The following PSG6 variants were observed in gnomAD, a reference collection of about 807,000 sequenced individuals.
The protein encoded by PSG6 is pregnancy-specific beta-1-glycoprotein 6.
A neutral mutation model predicts 43.3 loss-of-function variants in PSG6; 51 were observed. That is an observed-to-expected ratio of 1.18 (90% CI 0.94 to 1.49). The LOEUF is 1.49. Among genes scored for constraint, PSG6 ranks in the 40% most tolerant of loss-of-function variants. The probability of loss-of-function intolerance (pLI) is 0.00; values close to 1 mark genes in which losing one functional copy is unlikely to be tolerated. For synonymous variants in PSG6, 292 were observed against 197.6 expected (o/e 1.48, Z -4.01); for missense variants, 770 against 522.2 (o/e 1.47, Z -4.62).
intron 2 of PSG6, among the ~76,000 whole-genome samples, chr19:42,913,242 C>T (rs1308096975): frequency 1.3e-5 from 2 of 151,572 alleles, no homozygotes; most frequent in East Asian, 3.9e-4. Context: ...GCTCCACCTC[C>T]TGGGTTCATG....
rs1437667939 is a variant in PSG6, at chr19:42,907,933, C to T, written c.707-79G>A. On this transcript the variant is annotated intron_variant, in intron 3 of 5. Transcript: ENST00000187910. Reference sequence around the variant, plus strand: ...CATCCTTCATTCAGAGTTGGCATCTCCCACCTGTCAACCCACATGAGTCCT... The same window carrying T: ...CATCCTTCATTCAGAGTTGGCATCTTCCACCTGTCAACCCACATGAGTCCT... 3.8e-6 allele frequency: 6 copies of T among 1,562,280 alleles called. No individual in the cohort carries two copies. The African/African-American group carries it at 6.8e-5, about 18-fold the overall frequency.
chr19:42,917,464 T>G (rs1274760391), intron 1 of PSG6, among the ~76,000 whole-genome samples: 4 of 149,702 alleles, frequency 2.7e-5, no homozygotes, highest in Non-Finnish European at 3.0e-5. Flanking sequence ...CCTGGGTTCA[T>G]GTGATTATCC....
rs151089179 is a variant in PSG6, at chr19:42,903,456, A to C, written c.1241-1010T>G. Among the ~76,000 whole-genome samples, 1,446 of 151,776 alleles carry C rather than the reference A, an allele frequency of 9.5e-3. 38 individuals carry two copies. Among genetic ancestry groups the C allele is most frequent in the Non-Finnish European group, 0.016 (1,056 of 67,912 alleles). ...AATAATAAGTATTAGGGTGGATATA[A>C]ATAAAATGGAGAATGGAAACAGAAT... is the stretch of plus-strand genomic sequence containing the variant. On this transcript the variant is annotated intron_variant, in intron 5 of 5. Transcript: ENST00000187910.
rs572414424 is a variant in PSG6 at position 42,910,415 on chromosome 19, G to A, written c.706+165C>T. 7.7e-5 allele frequency: 120 copies of A among 1,553,178 alleles called. 9 individuals carry two copies. In the South Asian group the frequency reaches 1.3e-3, roughly 17 times the overall value. On this transcript the variant is annotated intron_variant, in intron 3 of 5. Coordinates refer to ENST00000187910, the MANE Select transcript of PSG6 (RefSeq NM_001031850.4). ...CCTCTTCTCTCTTATTGTTGATCAA[G>A]CCTAGGCCTACTCTGGTTTGCCTGG...
chr19:42,906,356 C>T lies in PSG6; in HGVS notation c.1240+566G>A, dbSNP rs532319631. Among the ~76,000 whole-genome samples, 5 of 151,660 alleles carry T rather than the reference C, an allele frequency of 3.3e-5. No homozygotes were observed. In the South Asian group the frequency reaches 6.3e-4, roughly 19 times the overall value. On this transcript the variant is annotated intron_variant, in intron 5 of 5. Transcript: ENST00000187910. ...TCGATTTAGCCAACTTCAGGACAGG[C>T]CACCAGGGCCCTTTCTCCACACATG...
chr19:42,905,983 G>A (rs564741911), intron 5 of PSG6, among the ~76,000 whole-genome samples: 5 of 151,644 alleles, frequency 3.3e-5, no homozygotes, highest in African/African-American at 1.2e-4. Flanking sequence ...AAAAAGTTCT[G>A]GAAATGGATA....
intron 2 of PSG6, among the ~76,000 whole-genome samples, chr19:42,914,047 T>A (rs1259909264): frequency 6.6e-6 from 1 of 151,588 alleles, no homozygotes; most frequent in Admixed American, 6.6e-5. Context: ...TTATTTTATA[T>A]TTTTTTGTGT....
chr19:42,904,806 C>A (rs1972087173), intron 5 of PSG6, among the ~76,000 whole-genome samples: 1 of 151,368 alleles, frequency 6.6e-6, no homozygotes, highest in South Asian at 2.1e-4. Context: ...ATTTATATTG[C>A]ATCTCATGAC....
At position 42,902,150 on chromosome 19, in the gene PSG6, T is replaced by C. The variant is rs1173377131; in HGVS notation, c.*262A>G. The C allele has an allele frequency of 1.5e-5, 6 of 411,448 alleles. No homozygotes were observed. In the Admixed American group the frequency reaches 2.2e-4, roughly 15 times the overall value. 25.5% of individuals were successfully genotyped at this position (411,448 alleles called of 1,614,324 possible). ...ATACTCATGAATAGTTTCCCAATTC[T>C]GGGGCACTCAGATAGAGAGCAAAAG... is the stretch of plus-strand genomic sequence containing the variant. On this transcript the variant is annotated 3_prime_UTR_variant, in exon 6 of 6. Transcript: ENST00000187910.
intron 2 of PSG6, among the ~76,000 whole-genome samples, chr19:42,913,408 G>A (rs1200118730): frequency 6.6e-6 from 1 of 151,822 alleles, no homozygotes; most frequent in Non-Finnish European, 1.5e-5. Context: ...GCCTCCCAAA[G>A]TGCTGGGATT....
At chr19:42,916,608 A>G (rs1972340286) in intron 1 of PSG6, 121 bp from the exon 2 acceptor site, 1 of 1,368,256 alleles carries the variant, frequency 7.3e-7, no homozygotes, top group Non-Finnish European at 1.0e-6. Context: ...ACACACACAC[A>G]TACAAACACA....
chr19:42,910,672 C>G lies in PSG6; in HGVS notation c.614G>C (p.Gly205Ala), dbSNP rs1458224682. 1.1e-5 allele frequency: 18 copies of G among 1,612,190 alleles called. No individual in the cohort carries two copies. In the Admixed American group the frequency reaches 2.5e-4, roughly 22 times the overall value. ...GGGTCCTGCAATATACTTTGTGACA[C>G]CAAATAGATAGAGGGTCCTGTTGGT... ...SKTNRTLYLF[G>A]VTKYIAGPYE... Residue 205 changes from glycine (G) to alanine (A), a missense_variant, in exon 3 of 6, where the codon GGT becomes GCT. Physicochemically the swap from Gly to Ala is moderately conservative, Grantham distance 60. Coordinates refer to ENST00000187910, the MANE Select transcript of PSG6 (RefSeq NM_001031850.4).
At chr19:42,909,280 G>A (rs115649562) in intron 3 of PSG6, among the ~76,000 whole-genome samples, 20,709 of 151,156 alleles carry the variant, frequency 0.14, 1,841 homozygotes, top group Admixed American at 0.18. Context: ...TGCTGCACTC[G>A]TATATTTTTG....
At chr19:42,916,568 T>C in intron 1 of PSG6, 81 bp from the exon 2 acceptor site, 1 of 1,509,792 alleles carries the variant, frequency 6.6e-7, no homozygotes, top group Non-Finnish European at 8.9e-7. Flanking sequence ...CCTGAGAAGG[T>C]CTCTTCAATC....
At position 42,914,931 on chromosome 19, in the gene PSG6, AT is replaced by A. The variant is rs1600549520; in HGVS notation, c.427+1193del. Among the ~76,000 whole-genome samples, 3 of 151,418 alleles carry A rather than the reference AT, an allele frequency of 2.0e-5. No individual in the cohort carries two copies. In the South Asian group the frequency reaches 6.4e-4, roughly 32 times the overall value. On this transcript the variant is annotated intron_variant, in intron 2 of 5. Coordinates refer to ENST00000187910, the MANE Select transcript of PSG6 (RefSeq NM_001031850.4). Reference sequence around the variant, plus strand: ...TAAGATCTGAGGGGGAGACCTGGACATTTTTTTTGCACTGACTCTGGCGGTT... The same window carrying A: ...TAAGATCTGAGGGGGAGACCTGGACATTTTTTTGCACTGACTCTGGCGGTT...
rs745769240 is a variant in PSG6, at chr19:42,910,768, G to A, written c.518C>T (p.Pro173Leu). The A allele has an allele frequency of 9.9e-5, 160 of 1,612,222 alleles. 3 individuals are homozygous for A. In the East Asian group the frequency reaches 2.8e-3, roughly 28 times the overall value. Residue 173 changes from proline (P) to leucine (L), a missense_variant, in exon 3 of 6, where the codon CCG (proline) becomes CTG (leucine). Physicochemically the swap from Pro to Leu is moderately conservative, Grantham distance 98 (BLOSUM62 -3). Coordinates refer to ENST00000187910, the MANE Select transcript of PSG6 (RefSeq NM_001031850.4). ...CAGCAACCACAGGTAGCTTGCATCCGGAGTCTCAGGATCACAGATTAAGCG... is the reference window on the plus strand; with the variant it reads ...CAGCAACCACAGGTAGCTTGCATCCAGAGTCTCAGGATCACAGATTAAGCG... The part of the protein sequence containing the change: ...AVRLICDPET[P>L]DASYLWLLNG...
chr19:42,904,092 A>G (rs963192911), intron 5 of PSG6, among the ~76,000 whole-genome samples: 1 of 151,812 alleles, frequency 6.6e-6, no homozygotes, highest in Middle Eastern at 3.4e-3. Flanking sequence ...CAATAAAAGC[A>G]TTTGATGAAA....
chr19:42,910,479 A>T, intron 3 of PSG6, 101 bp downstream of exon 3: 7 of 1,611,308 alleles, frequency 4.3e-6, no homozygotes, highest in Non-Finnish European at 5.9e-6. Flanking sequence ...TCAGGGATAA[A>T]GGTCTCTGTA....
chr19:42,914,567 G>C lies in PSG6; in HGVS notation c.427+1558C>G, dbSNP rs372132856. Among the ~76,000 whole-genome samples the C allele has an allele frequency of 1.7e-4, 26 of 149,678 alleles. 1 individual carries two copies. In the East Asian group the frequency reaches 4.6e-3, roughly 27 times the overall value. ...CCCTGAGAACCCTCCGGTGGCCAAA[G>C]AACTTCAGAGTTGCATGAGGTGGGG... is the stretch of plus-strand genomic sequence containing the variant. On this transcript the variant is annotated intron_variant, in intron 2 of 5. Transcript: ENST00000187910.
Sources: gnomAD v4.1 joint callset for allele counts (sites outside exome capture counted in the v4.1 genomes callset) on GRCh38, gnomAD v4.1.1 for gene constraint, MANE v1.5 for transcripts, NCBI Gene and HGNC (gene_info 2026-07-23, HGNC 2026-07-21) for gene names.